Variants in HSPA5 observed in about 807,000 individuals in gnomAD.
HSPA5 encodes heat shock protein family A (Hsp70) member 5, also known as endoplasmic reticulum chaperone BiP.
HSPA5 carries 16 observed loss-of-function variants against 49.5 expected under a neutral mutation model. The ratio of observed to expected loss-of-function variants is 0.32; its 90% CI spans 0.22 to 0.49. The LOEUF is 0.49. HSPA5 is among the 20% of genes least tolerant of loss of function. The pLI is 0.99. For missense variants in HSPA5, 376 were observed against 819.0 expected (o/e 0.46, Z 6.60); for synonymous variants, 271 against 307.2 (o/e 0.88, Z 1.23).
At position 125,241,085 on chromosome 9, in the gene HSPA5, G is replaced by C. The variant is rs781032276; in HGVS notation, c.42C>G (p.Ser14Arg). The C allele has an allele frequency of 3.2e-5, 52 of 1,613,362 alleles. No individual in the cohort carries two copies. The African/African-American group carries it at 5.6e-4, about 17-fold the overall frequency. The change falls in exon 1 of 8, where the codon AGC becomes AGG. Residue 14 changes from serine (S) to arginine (R), a missense_variant. Physicochemically the swap from Ser to Arg is moderately radical, Grantham distance 110. This residue lies in a region of HSPA5 where 29 missense variants were observed against 38.7 expected (regional missense o/e 0.75). Coordinates refer to ENST00000324460, the MANE Select transcript of HSPA5 (RefSeq NM_005347.5). ...SLVAAMLLLL[S>R]AARAEEEDKK... ...TGTCCTCCTCCTCGGCCCGCGCCGC[G>C]CTGAGCAGCAGCAGCATCGCGGCCA...
In HSPA5 at chr9:125,240,969, C is replaced by T. The variant is rs1469016480; in HGVS notation, c.122+36G>A. On this transcript the variant is annotated intron_variant, in intron 1 of 7. Transcript: ENST00000324460. The surrounding 1 kb of genome is among the most constrained non-coding windows in gnomAD (Gnocchi z 4.4). ...CACTTCTCACGCCAGGCCAGGCGGC[C>T]ACGCCCCGTCCCCCTGCATCCGCAA... is the stretch of plus-strand genomic sequence containing the variant. The T allele has an allele frequency of 6.2e-7, 1 of 1,611,450 alleles. No homozygotes were observed. Among genetic ancestry groups the T allele is most frequent in the Non-Finnish European group, 8.5e-7 (1 of 1,178,360 alleles).
Position 125,240,927 on chromosome 9 carries a change from G to C in HSPA5, c.123-20C>G. 6.2e-7 allele frequency: 1 copy of C among 1,613,566 alleles called. No homozygotes were observed. The highest frequency in any genetic ancestry group is 8.5e-7 in the Non-Finnish European group (1 of 1,179,498). On this transcript the variant is annotated intron_variant, in intron 1 of 7. Transcript: ENST00000324460. This position sits in a 1 kb window ranked among gnomAD's most constrained non-coding sequence, Gnocchi z 4.4. ...CCGACGCTGGCAGAAAAACCCGACA[G>C]AGGGACATCAGCACCGCACTTCTCA...
In HSPA5 at chr9:125,236,104, TG is replaced by T. The variant is rs1832490075; in HGVS notation, c.*487del. 1 of 148,138 alleles carries T rather than the reference TG, an allele frequency of 6.8e-6. No individual in the cohort carries two copies. The highest frequency in any genetic ancestry group is 2.0e-4 in the East Asian group (1 of 5,124). The allele number at this position is 148,138 out of a possible 1,614,324, so 9.2% of individuals were successfully genotyped here. On this transcript the variant is annotated 3_prime_UTR_variant, in exon 8 of 8. Transcript: ENST00000324460. ...GGTTAAAAAAAAAAAAAAAAATCCCTGGAAGCATTAAATAGAAGTGTTTCCT... is the reference window on the plus strand; with the variant it reads ...GGTTAAAAAAAAAAAAAAAAATCCCTGAAGCATTAAATAGAAGTGTTTCCT...
Position 125,240,386 on chromosome 9 carries a change from C to T in HSPA5, c.355-77G>A, listed in dbSNP as rs1208635380. ...TTTAAAAGACCCACTACCATCCCCA[C>T]AATTTGGTTTATTTTGGTCCCTTGG... On this transcript the variant is annotated intron_variant, in intron 2 of 7. Coordinates refer to ENST00000324460, the MANE Select transcript of HSPA5 (RefSeq NM_005347.5). This position sits in a 1 kb window ranked among gnomAD's most constrained non-coding sequence, Gnocchi z 4.4. The T allele has an allele frequency of 1.5e-6, 2 of 1,362,316 alleles. No individual in the cohort carries two copies. Among genetic ancestry groups the T allele is most frequent in the Non-Finnish European group, 2.0e-6 (2 of 986,298 alleles). 84.4% of individuals were successfully genotyped at this position (1,362,316 alleles called of 1,614,324 possible). A position where few individuals can be genotyped will look rare whatever the true frequency, so the allele number is the denominator to read the frequency against.
chr9:125,239,124 T>C lies in HSPA5; in HGVS notation c.813A>G (p.Lys271=), dbSNP rs1832532548. Residue 271 remains lysine (K), a synonymous_variant, in exon 5 of 8, where the codon AAA becomes AAG. Transcript: ENST00000324460. This position sits in a 1 kb window ranked among gnomAD's most constrained non-coding sequence, Gnocchi z 5.5. ...TCCTGACATCTTTGCCCGTCTTCTT[T>C]TTGTACAGTTTGATGAAGTGTTCCA... ...RVMEHFIKLY[K]KKTGKDVRKD... is the part of the protein sequence containing the mutation. The C allele has an allele frequency of 6.2e-7, 1 of 1,614,004 alleles. No homozygotes were observed. Among genetic ancestry groups the C allele is most frequent in the Non-Finnish European group, 8.5e-7 (1 of 1,180,026 alleles).
chr9:125,238,376 T>A, intron 6 of HSPA5, 68 bp from the exon 7 acceptor site: 1 of 1,406,238 alleles, frequency 7.1e-7, no homozygotes, highest in Non-Finnish European at 9.9e-7. Flanking sequence ...TTTATCTCTC[T>A]AACATTTGGT....
chr9:125,240,733 G>C lies in HSPA5; in HGVS notation c.297C>G (p.Ile99Met), dbSNP rs1211390286. The C allele has an allele frequency of 6.2e-7, 1 of 1,614,178 alleles. No individual in the cohort carries two copies. Among genetic ancestry groups the C allele is most frequent in the Non-Finnish European group, 8.5e-7 (1 of 1,180,016 alleles). ...CAGACGGGTCATTCCACGTGCGGCCGATGAGCCGCTTGGCGTCAAAGACCG... is the reference window on the plus strand; with the variant it reads ...CAGACGGGTCATTCCACGTGCGGCCCATGAGCCGCTTGGCGTCAAAGACCG... ...ENTVFDAKRL[I>M]GRTWNDPSVQ... is the part of the protein sequence containing the mutation. The change falls in exon 2 of 8, where the codon ATC (isoleucine) becomes ATG (methionine). Residue 99 changes from isoleucine to methionine, a missense_variant. Physicochemically the swap from Ile to Met is conservative, Grantham distance 10. Around this residue, in one of 8 missense-constraint regions of HSPA5, gnomAD observed 89 missense variants for 200.0 expected, o/e 0.44. Transcript: ENST00000324460. This position sits in a 1 kb window ranked among gnomAD's most constrained non-coding sequence, Gnocchi z 4.4.
Position 125,241,306 on chromosome 9 carries a change from C to T in HSPA5, c.-180G>A. 1 of 668,524 alleles carries T rather than the reference C, an allele frequency of 1.5e-6. No homozygotes were observed. The highest frequency in any genetic ancestry group is 2.5e-6 in the Non-Finnish European group (1 of 398,506). The allele number at this position is 668,524 out of a possible 1,614,324, so 41.4% of individuals were successfully genotyped here. On this transcript the variant is annotated 5_prime_UTR_variant, in exon 1 of 8. Coordinates refer to ENST00000324460, the MANE Select transcript of HSPA5 (RefSeq NM_005347.5). ...TCCCTCTCACACTCGCGAAACACCC[C>T]AATAGGTCAATCTGTCTGTGCTGTC...
rs34899577 is a variant in HSPA5, at chr9:125,241,312, G to C, written c.-186C>G. ...TCACACTCGCGAAACACCCCAATAGGTCAATCTGTCTGTGCTGTCTTGGCC... is the reference window on the plus strand; with the variant it reads ...TCACACTCGCGAAACACCCCAATAGCTCAATCTGTCTGTGCTGTCTTGGCC... On this transcript the variant is annotated 5_prime_UTR_variant, in exon 1 of 8. Coordinates refer to ENST00000324460, the MANE Select transcript of HSPA5 (RefSeq NM_005347.5). 6 of 645,406 alleles carry C rather than the reference G, an allele frequency of 9.3e-6. No individual in the cohort carries two copies. The highest frequency in any genetic ancestry group is 1.6e-5 in the Non-Finnish European group (6 of 378,980). The allele number at this position is 645,406 out of a possible 1,614,324, so 40.0% of individuals were successfully genotyped here. A position where few individuals can be genotyped will look rare whatever the true frequency, so the allele number is the denominator to read the frequency against.
At position 125,240,427 on chromosome 9, in the gene HSPA5, A is replaced by G. The variant is rs1034659779; in HGVS notation, c.355-118T>C. On this transcript the variant is annotated intron_variant, in intron 2 of 7. Transcript: ENST00000324460. This position sits in a 1 kb window ranked among gnomAD's most constrained non-coding sequence, Gnocchi z 4.4. ...GGTCCCTTGGGGCTGCAAATTGACT[A>G]GAAATACTTCAGGGAGTATAGGTGT... 7.9e-6 allele frequency: 7 copies of G among 883,206 alleles called. No homozygotes were observed. Among genetic ancestry groups the G allele is most frequent in the Non-Finnish European group, 1.2e-5 (7 of 572,126 alleles). 54.7% of individuals were successfully genotyped at this position (883,206 alleles called of 1,614,324 possible).
rs1588429350 is a variant in HSPA5 at position 125,236,409 on chromosome 9, C to A, written c.*183G>T. The A allele has an allele frequency of 2.0e-6, 1 of 498,464 alleles. No homozygotes were observed. The highest frequency in any genetic ancestry group is 3.2e-5 in the East Asian group (1 of 30,920). 30.9% of individuals were successfully genotyped at this position (498,464 alleles called of 1,614,324 possible). On this transcript the variant is annotated 3_prime_UTR_variant, in exon 8 of 8. Coordinates refer to ENST00000324460, the MANE Select transcript of HSPA5 (RefSeq NM_005347.5). ...TGGCCAATTCTTCTTCTCCCCCCCA[C>A]CCAAAGACATGTGAGCAACTGCTAA...
At position 125,240,059 on chromosome 9, in the gene HSPA5, A is replaced by G. The variant is rs1336085094; in HGVS notation, c.492+113T>C. ...TCAATAATTAAACCTGACAAGCATG[A>G]ATACCATTCTGATTAAAATTTTTGA... On this transcript the variant is annotated intron_variant, in intron 3 of 7. Transcript: ENST00000324460. This position sits in a 1 kb window ranked among gnomAD's most constrained non-coding sequence, Gnocchi z 4.4. The G allele has an allele frequency of 4.3e-6, 3 of 703,338 alleles. No homozygotes were observed. In the African/African-American group the frequency reaches 5.3e-5, roughly 13 times the overall value. 43.6% of individuals were successfully genotyped at this position (703,338 alleles called of 1,614,324 possible). A position where few individuals can be genotyped will look rare whatever the true frequency, so the allele number is the denominator to read the frequency against.
chr9:125,237,684 A>AAG (rs1197622086), intron 7 of HSPA5, among the ~76,000 whole-genome samples: 1 of 151,862 alleles, frequency 6.6e-6, no homozygotes, highest in African/African-American at 2.4e-5. Context: ...AAAAAAAAAA[A>AAG]AAAAGAATGC....
In HSPA5 at chr9:125,239,069, G is replaced by A. The variant is rs1258181789; in HGVS notation, c.868C>T (p.Arg290Cys). The A allele has an allele frequency of 1.9e-6, 3 of 1,614,132 alleles. No homozygotes were observed. The highest frequency in any genetic ancestry group is 1.1e-5 in the South Asian group (1 of 91,082). Residue 290 changes from arginine (R) to cysteine (C), a missense_variant, in exon 5 of 8, where the codon CGC (arginine) becomes TGC (cysteine). Transcript: ENST00000324460. This position sits in a 1 kb window ranked among gnomAD's most constrained non-coding sequence, Gnocchi z 5.5. ...GCCCGTTTGGCCTTTTCTACCTCGC[G>A]CCGGAGTTTCTGCACAGCTCTATTG... ...KDNRAVQKLR[R>C]EVEKAKRALS...
chr9:125,237,733 C>T (rs540643247), intron 7 of HSPA5, among the ~76,000 whole-genome samples: 1 of 151,622 alleles, frequency 6.6e-6, no homozygotes, highest in South Asian at 2.1e-4. Flanking sequence ...TTAAGACCTC[C>T]ATCTGAAAAC....
chr9:125,239,416 C>T lies in HSPA5; in HGVS notation c.605+5G>A. ...ATATGCCGTATCCCTGAATTTCATA[C>T]TTACGGCTCGTTGATGATCCTCATA... On this transcript the variant is annotated splice_donor_5th_base_variant and intron_variant, in intron 4 of 7. Coordinates refer to ENST00000324460, the MANE Select transcript of HSPA5 (RefSeq NM_005347.5). This position sits in a 1 kb window ranked among gnomAD's most constrained non-coding sequence, Gnocchi z 5.5. 6.2e-7 allele frequency: 1 copy of T among 1,613,992 alleles called. No individual in the cohort carries two copies. The highest frequency in any genetic ancestry group is 1.7e-5 in the Admixed American group (1 of 60,010).
chr9:125,239,355 G>A lies in HSPA5; in HGVS notation c.606-24C>T, dbSNP rs1467362490. ...TACTATTAGATTGAAAAAGGGAAAA[G>A]TTTTGTCAGTACTTCACATTTCCAC... On this transcript the variant is annotated intron_variant, in intron 4 of 7. Transcript: ENST00000324460. The surrounding 1 kb of genome is among the most constrained non-coding windows in gnomAD (Gnocchi z 5.5). 6.2e-7 allele frequency: 1 copy of A among 1,612,330 alleles called. No homozygotes were observed. Among genetic ancestry groups the A allele is most frequent in the Non-Finnish European group, 8.5e-7 (1 of 1,178,462 alleles).
At position 125,240,519 on chromosome 9, in the gene HSPA5, T is replaced by G. The variant is rs1832550657; in HGVS notation, c.354+157A>C. Among the ~76,000 whole-genome samples the G allele has an allele frequency of 6.6e-6, 1 of 152,226 alleles. No individual in the cohort carries two copies. Among genetic ancestry groups the G allele is most frequent in the Non-Finnish European group, 1.5e-5 (1 of 68,042 alleles). On this transcript the variant is annotated intron_variant, in intron 2 of 7. Coordinates refer to ENST00000324460, the MANE Select transcript of HSPA5 (RefSeq NM_005347.5). This position sits in a 1 kb window ranked among gnomAD's most constrained non-coding sequence, Gnocchi z 4.4. ...ATCGTAGACAGTACGACAGCAACTG[T>G]CTTAAGTTTTGTAACATACTAATAG...
At position 125,241,118 on chromosome 9, in the gene HSPA5, G is replaced by C. The variant is rs35866338; in HGVS notation, c.9C>G (p.Leu3=). The C allele has an allele frequency of 2.2e-4, 354 of 1,611,824 alleles. 2 individuals carry two copies. In the East Asian group the frequency reaches 6.7e-3, roughly 31 times the overall value. Residue 3 remains leucine (L), a synonymous_variant, in exon 1 of 8, where the codon CTC becomes CTG. Coordinates refer to ENST00000324460, the MANE Select transcript of HSPA5 (RefSeq NM_005347.5). ...GCAGCAGCATCGCGGCCACCAGGGAGAGCTTCATCTTGCCAGCCAGTTGGG... is the reference window on the plus strand; with the variant it reads ...GCAGCAGCATCGCGGCCACCAGGGACAGCTTCATCTTGCCAGCCAGTTGGG... MK[L]SLVAAMLLLL...
Sources: gnomAD v4.1 joint callset for allele counts (sites outside exome capture counted in the v4.1 genomes callset) on GRCh38, gnomAD v4.1.1 for gene constraint, gnomAD v4.1.1 regional missense constraint, Gnocchi (gnomAD v3.1) non-coding constraint, MANE v1.5 for transcripts, NCBI Gene and HGNC (gene_info 2026-07-23, HGNC 2026-07-21) for gene names.